DPYSL3: variants seen among roughly 807,000 people sequenced by gnomAD.
DPYSL3 encodes dihydropyrimidinase-related protein 3.
DPYSL3 carries 16 observed loss-of-function variants against 66.1 expected under a neutral mutation model. The ratio of observed to expected loss-of-function variants is 0.24; its 90% CI spans 0.16 to 0.37. DPYSL3 has a LOEUF of 0.37. Among genes scored for constraint, DPYSL3 ranks in the 10% least tolerant of loss-of-function variants. The probability of loss-of-function intolerance (pLI) is 1.00; values close to 1 mark genes in which losing one functional copy is unlikely to be tolerated. For missense variants in DPYSL3, 738 were observed against 916.2 expected, an observed-to-expected ratio of 0.81 and a Z score of 2.51; for synonymous variants, 338 against 345.1, an observed-to-expected ratio of 0.98 and a Z score of 0.23.
At chr5:147,450,587 C>G (rs988933949) in intron 1 of DPYSL3, among the ~76,000 whole-genome samples, 3 of 152,074 alleles carry the variant, frequency 2.0e-5, no homozygotes, top group African/African-American at 7.2e-5. Flanking sequence ...GAGCCAACTC[C>G]AACAGGGACA....
At position 147,394,018 on chromosome 5, in the gene DPYSL3, CTT is replaced by C. The variant is rs775308643; in HGVS notation, c.*15_*16del. 6.2e-7 allele frequency: 1 copy of C among 1,613,720 alleles called. No individual in the cohort carries two copies. The highest frequency in any genetic ancestry group is 8.5e-7 in the Non-Finnish European group (1 of 1,179,758). ...AATCTCTTCTTGCTTCTGCCCCTCT[CTT>C]TGAGGAAGGCTTGCTTAACTCAGAG... is the stretch of plus-strand genomic sequence containing the variant. On this transcript the variant is annotated 3_prime_UTR_variant, in exon 14 of 14. Coordinates refer to ENST00000343218, the MANE Select transcript of DPYSL3 (RefSeq NM_001197294.2).
At chr5:147,406,258 A>T (rs1864961) in intron 7 of DPYSL3, 148,551 of 152,496 alleles carry the variant, frequency 0.97, 72,389 homozygotes, top group East Asian at 1. Flanking sequence ...CTTGTTTTAT[A>T]ATTGATCTCT....
intron 1 of DPYSL3, among the ~76,000 whole-genome samples, chr5:147,445,589 C>G (rs1386640937): frequency 1.3e-5 from 2 of 152,084 alleles, no homozygotes; most frequent in African/African-American, 2.4e-5. Flanking sequence ...CATCCCTATC[C>G]TCATGGCATG....
intron 12 of DPYSL3, 68 bp downstream of exon 12, chr5:147,397,598 G>A (rs1346338424): frequency 6.6e-7 from 1 of 1,519,044 alleles, no homozygotes; most frequent in Non-Finnish European, 9.0e-7. Flanking sequence ...TGTGTTCATG[G>A]TTACTATCTC....
In DPYSL3 at chr5:147,391,174, T is replaced by G. The variant is rs963430840; in HGVS notation, c.*2861A>C. On this transcript the variant is annotated 3_prime_UTR_variant, in exon 14 of 14. Transcript: ENST00000343218. The stretch of plus-strand genomic sequence containing the variant: ...ATTGCCCACCCTACTGGAAAGGGCT[T>G]CTCAGGGATGAGTGAAAATCCAGGC... The G allele has an allele frequency of 2.0e-5, 3 of 152,574 alleles. No homozygotes were observed. Among genetic ancestry groups the G allele is most frequent in the African/African-American group, 7.2e-5 (3 of 41,456 alleles). The allele number at this position is 152,574 out of a possible 1,614,324, so 9.5% of individuals were successfully genotyped here. A position where few individuals can be genotyped will look rare whatever the true frequency, so the allele number is the denominator to read the frequency against.
At chr5:147,464,351 C>G (rs1290316373) in intron 1 of DPYSL3, among the ~76,000 whole-genome samples, 1 of 152,190 alleles carries the variant, frequency 6.6e-6, no homozygotes, top group Non-Finnish European at 1.5e-5. Flanking sequence ...CTTTCCACTT[C>G]TGCGGTTCTG....
intron 1 of DPYSL3, among the ~76,000 whole-genome samples, chr5:147,491,972 C>A (rs12517529): frequency 0.12 from 18,572 of 151,446 alleles, 1,524 homozygotes; most frequent in East Asian, 0.27. Context: ...AGATAAACAT[C>A]AAAAAAAACC....
chr5:147,506,788 A>G (rs1289432681), intron 1 of DPYSL3, among the ~76,000 whole-genome samples: 1 of 152,222 alleles, frequency 6.6e-6, no homozygotes, highest in Non-Finnish European at 1.5e-5. Context: ...GCTAAGTTAC[A>G]TGCTTACAGT....
At chr5:147,464,169 T>C (rs190820072) in intron 1 of DPYSL3, among the ~76,000 whole-genome samples, 51 of 152,054 alleles carry the variant, frequency 3.4e-4, no homozygotes, top group Admixed American at 2.4e-3. Context: ...CAGAGAGGAG[T>C]CTGTGCAAGG....
In DPYSL3 at chr5:147,445,991, A is replaced by C. The variant is rs147693000; in HGVS notation, c.382-21028T>G. 1.2e-3 allele frequency among the ~76,000 whole-genome samples: 178 copies of C among 152,354 alleles called. 3 individuals carry two copies. Among genetic ancestry groups the C allele is most frequent in the Middle Eastern group, 0.01 (3 of 294 alleles). On this transcript the variant is annotated intron_variant, in intron 1 of 13. Transcript: ENST00000343218. Reference sequence around the variant, plus strand: ...AGAAAAAGACTGGGATTTTAAGTGTAAAAAGCAACCAAAGCCGCTTATATC... The same window carrying C: ...AGAAAAAGACTGGGATTTTAAGTGTCAAAAGCAACCAAAGCCGCTTATATC...
chr5:147,459,784 T>A (rs1031280406), intron 1 of DPYSL3, among the ~76,000 whole-genome samples: 17 of 152,182 alleles, frequency 1.1e-4, no homozygotes, highest in African/African-American at 4.1e-4. Flanking sequence ...TGATGGCAAC[T>A]CATATCAAAG....
At chr5:147,416,451 C>T (rs1751970942) in intron 3 of DPYSL3, among the ~76,000 whole-genome samples, 1 of 152,180 alleles carries the variant, frequency 6.6e-6, no homozygotes, top group Non-Finnish European at 1.5e-5. Flanking sequence ...TCCATGGAAA[C>T]TTCTTGTCAA....
chr5:147,424,469 G>C (rs184323906), intron 2 of DPYSL3, among the ~76,000 whole-genome samples: 208 of 152,194 alleles, frequency 1.4e-3, no homozygotes, highest in African/African-American at 4.7e-3. Flanking sequence ...TCCTATCTGT[G>C]CTCTGCCCAT....
At position 147,487,373 on chromosome 5, in the gene DPYSL3, A is replaced by G. The variant is rs139076863; in HGVS notation, c.381+22105T>C. ...CAATTTCAGGCATCCTGAAAGGGGAACAAGTGTTTCTGAGCCTTTCAGATT... is the reference window on the plus strand; with the variant it reads ...CAATTTCAGGCATCCTGAAAGGGGAGCAAGTGTTTCTGAGCCTTTCAGATT... On this transcript the variant is annotated intron_variant, in intron 1 of 13. Coordinates refer to ENST00000343218, the MANE Select transcript of DPYSL3 (RefSeq NM_001197294.2). Among the ~76,000 whole-genome samples, 121 of 152,346 alleles carry G rather than the reference A, an allele frequency of 7.9e-4. 1 individual carries two copies. The East Asian group carries it at 0.019, about 24-fold the overall frequency.
chr5:147,405,347 T>G (rs528777137), intron 8 of DPYSL3, among the ~76,000 whole-genome samples: 2 of 152,344 alleles, frequency 1.3e-5, no homozygotes, highest in African/African-American at 4.8e-5. Flanking sequence ...AGGGGAGAAG[T>G]AAGATGCACA....
chr5:147,415,880 G>A lies in DPYSL3; in HGVS notation c.656-7C>T. ...TCAGGCACCACATGGTCAACTGAAT[G>A]ACAGAGACCCCAGATGAGTCACTCT... is the stretch of plus-strand genomic sequence containing the variant. On this transcript the variant is annotated splice_region_variant and splice_polypyrimidine_tract_variant and intron_variant, in intron 3 of 13. Coordinates refer to ENST00000343218, the MANE Select transcript of DPYSL3 (RefSeq NM_001197294.2). The A allele has an allele frequency of 1.2e-6, 2 of 1,612,914 alleles. No homozygotes were observed. Among genetic ancestry groups the A allele is most frequent in the Non-Finnish European group, 1.7e-6 (2 of 1,179,476 alleles).
At chr5:147,498,204 C>T (rs568639417) in intron 1 of DPYSL3, among the ~76,000 whole-genome samples, 5 of 152,146 alleles carry the variant, frequency 3.3e-5, no homozygotes, top group African/African-American at 7.2e-5. Context: ...TTTCTATTCC[C>T]GCATTAGTTT....
chr5:147,412,420 A>C lies in DPYSL3; in HGVS notation c.963+188T>G, dbSNP rs17106691. ...CTGTTTTACCTCATCTTCTAGTTTC[A>C]TTGCTTGTCTACATTCCCCTCTGTT... is the stretch of plus-strand genomic sequence containing the variant. On this transcript the variant is annotated intron_variant, in intron 6 of 13. Coordinates refer to ENST00000343218, the MANE Select transcript of DPYSL3 (RefSeq NM_001197294.2). Among the ~76,000 whole-genome samples the C allele has an allele frequency of 2.7e-3, 411 of 151,826 alleles. 17 individuals are homozygous for C. The East Asian group carries it at 0.074, about 27-fold the overall frequency.
chr5:147,431,308 T>C (rs1037718020), intron 1 of DPYSL3, among the ~76,000 whole-genome samples: 4 of 152,138 alleles, frequency 2.6e-5, no homozygotes, highest in African/African-American at 9.7e-5. Context: ...CTGGCTCTGT[T>C]ATTAAATATG....
Sources: gnomAD v4.1 joint callset for allele counts (sites outside exome capture counted in the v4.1 genomes callset) on GRCh38, gnomAD v4.1.1 for gene constraint, MANE v1.5 for transcripts, NCBI Gene and HGNC (gene_info 2026-07-23, HGNC 2026-07-21) for gene names.